The following MRTFB variants were observed in gnomAD, a reference collection of about 807,000 sequenced individuals.
MRTFB encodes the protein myocardin-related transcription factor B.
In MRTFB, 29 loss-of-function variants were observed where a neutral mutation model predicts 104.2. The observed-to-expected ratio is 0.28, with a 90% CI of 0.21 to 0.38. MRTFB has a LOEUF of 0.38. MRTFB is among the 10% of genes least tolerant of loss of function. The pLI is 1.00. For missense variants in MRTFB, 1,270 were observed against 1,341.6 expected, an observed-to-expected ratio of 0.95 and a Z score of 0.83; for synonymous variants, 535 against 519.5, an observed-to-expected ratio of 1.03 and a Z score of -0.41.
At chr16:14,138,160 A>G (rs1001759567) in intron 2 of MRTFB, among the ~76,000 whole-genome samples, 23 of 152,138 alleles carry the variant, frequency 1.5e-4, no homozygotes, top group African/African-American at 5.5e-4. Context: ...TTCATCTTTT[A>G]TGCTATAGTT....
At chr16:14,022,021 C>T in the MRTFB span, among the ~76,000 whole-genome samples, 1 of 152,184 alleles carries the variant, frequency 6.6e-6, no homozygotes, top group East Asian at 1.9e-4. Context: ...ATACCTCTGA[C>T]TCCAGCCAGA....
At chr16:14,128,393 C>T (rs894235304) in intron 2 of MRTFB, among the ~76,000 whole-genome samples, 1 of 152,120 alleles carries the variant, frequency 6.6e-6, no homozygotes, top group Non-Finnish European at 1.5e-5. Context: ...GGCCCACATT[C>T]CTGGAAGACA....
chr16:14,029,514 T>TATAC, the MRTFB span, among the ~76,000 whole-genome samples: 3 of 112,554 alleles, frequency 2.7e-5, no homozygotes, highest in South Asian at 2.9e-4. Flanking sequence ...CACATATATA[T>TATAC]ACACACACAC....
At chr16:14,061,352 A>G in the MRTFB span, among the ~76,000 whole-genome samples, 1 of 152,100 alleles carries the variant, frequency 6.6e-6, no homozygotes, top group Admixed American at 6.5e-5. Flanking sequence ...CACCTCACCC[A>G]AGTGGAAAAG....
chr16:14,110,448 T>G (rs938855616), intron 2 of MRTFB, among the ~76,000 whole-genome samples: 8 of 152,182 alleles, frequency 5.3e-5, no homozygotes, highest in Non-Finnish European at 8.8e-5. Context: ...GCAACTAGTT[T>G]TGTGACATTA....
chr16:14,150,400 T>C (rs895936202), intron 3 of MRTFB, among the ~76,000 whole-genome samples: 1 of 152,212 alleles, frequency 6.6e-6, no homozygotes, highest in Non-Finnish European at 1.5e-5. Flanking sequence ...AATCCATGTA[T>C]AACTTTTGGC....
At chr16:14,103,181 T>A (rs1476565915) in intron 2 of MRTFB, among the ~76,000 whole-genome samples, 4 of 152,162 alleles carry the variant, frequency 2.6e-5, no homozygotes, top group Non-Finnish European at 5.9e-5. Context: ...CACACTATGT[T>A]GTGATGTCTG....
the MRTFB span, among the ~76,000 whole-genome samples, chr16:14,044,727 T>A: frequency 6.6e-6 from 1 of 152,176 alleles, no homozygotes; most frequent in East Asian, 1.9e-4. Flanking sequence ...CATATTATCT[T>A]GGTTTGAGAG....
the MRTFB span, among the ~76,000 whole-genome samples, chr16:14,052,465 C>T: frequency 6.6e-6 from 1 of 152,102 alleles, no homozygotes; most frequent in African/African-American, 2.4e-5. Flanking sequence ...AGGCCGGGCA[C>T]AGTGGCTCAC....
chr16:14,032,074 C>T, the MRTFB span, among the ~76,000 whole-genome samples: 1 of 152,202 alleles, frequency 6.6e-6, no homozygotes, highest in East Asian at 1.9e-4. Flanking sequence ...TCCTAAAGTG[C>T]TAGGATTACA....
intron 13 of MRTFB, among the ~76,000 whole-genome samples, chr16:14,249,629 A>C (rs1749052766): frequency 6.6e-6 from 1 of 152,196 alleles, no homozygotes; most frequent in African/African-American, 2.4e-5. Context: ...CAGTTACCTC[A>C]TCTTTAAAAT....
the MRTFB span, among the ~76,000 whole-genome samples, chr16:14,006,249 A>G: frequency 6.6e-6 from 1 of 152,146 alleles, no homozygotes; most frequent in East Asian, 1.9e-4. Flanking sequence ...AGGCTGAGGC[A>G]GGAGAACCAC....
intron 7 of MRTFB, among the ~76,000 whole-genome samples, chr16:14,217,669 A>G (rs749225099): frequency 6.6e-6 from 1 of 152,246 alleles, no homozygotes; most frequent in Non-Finnish European, 1.5e-5. Context: ...GAAAACTACA[A>G]TAGTTTTTAA....
chr16:14,156,966 A>G (rs888925462), intron 3 of MRTFB, among the ~76,000 whole-genome samples: 5 of 152,160 alleles, frequency 3.3e-5, no homozygotes, highest in African/African-American at 1.2e-4. Flanking sequence ...CGTTCCTCCC[A>G]TCAACCACTC....
intron 10 of MRTFB, chr16:14,241,186 G>A: frequency 5.9e-6 from 1 of 170,212 alleles, no homozygotes; most frequent in Middle Eastern, 2.6e-3. Context: ...AGAAAAAACA[G>A]CTGGATGCTG....
At chr16:14,237,868 A>AAGAT (rs1179222111) in intron 9 of MRTFB, among the ~76,000 whole-genome samples, 1 of 152,180 alleles carries the variant, frequency 6.6e-6, no homozygotes. Flanking sequence ...GAGAGAAGAA[A>AAGAT]AGATAGACAG....
upstream of MRTFB, among the ~76,000 whole-genome samples, chr16:14,067,761 C>T (rs1352371749): frequency 6.6e-6 from 1 of 152,058 alleles, no homozygotes; most frequent in African/African-American, 2.4e-5. Flanking sequence ...TGGAGTAATT[C>T]TGCCCATTTT....
the MRTFB span, among the ~76,000 whole-genome samples, chr16:14,041,313 G>C: frequency 6.6e-6 from 1 of 152,124 alleles, no homozygotes; most frequent in Non-Finnish European, 1.5e-5. Context: ...TTGCAAAACT[G>C]AAAGTCTATA....
chr16:14,117,779 C>G lies in MRTFB; in HGVS notation c.-63-22765C>G, dbSNP rs78816006. 6.7e-4 allele frequency among the ~76,000 whole-genome samples: 102 copies of G among 151,982 alleles called. No individual in the cohort carries two copies. The Middle Eastern group carries it at 0.034, about 51-fold the overall frequency. The stretch of plus-strand genomic sequence containing the variant: ...AATAATCTGGACTAGAAAGAGGTAC[C>G]TGGGATGACTTTATAGGGAAAAAAA... On this transcript the variant is annotated intron_variant, in intron 2 of 16. Coordinates refer to ENST00000571589, the MANE Select transcript of MRTFB (RefSeq NM_001308142.2).
Sources: gnomAD v4.1 joint callset for allele counts (sites outside exome capture counted in the v4.1 genomes callset) on GRCh38, gnomAD v4.1.1 for gene constraint, MANE v1.5 for transcripts, NCBI Gene and HGNC (gene_info 2026-07-23, HGNC 2026-07-21) for gene names.